UBE2J2: variants seen among roughly 807,000 people sequenced by gnomAD.
The protein encoded by UBE2J2 is ubiquitin-conjugating enzyme E2 J2.
UBE2J2 carries 5 observed loss-of-function variants against 28.6 expected under a neutral mutation model. That is an observed-to-expected ratio of 0.17 (90% CI 0.09 to 0.37). UBE2J2 has a LOEUF of 0.37. Among genes scored for constraint, UBE2J2 ranks in the 10% least tolerant of loss-of-function variants. The pLI is 1.00. For synonymous variants in UBE2J2, 138 were observed against 139.7 expected, an observed-to-expected ratio of 0.99 and a Z score of 0.09; for missense variants, 226 against 338.9, an observed-to-expected ratio of 0.67 and a Z score of 2.62.
chr1:1,267,185 G>A (rs769997061), intron 2 of UBE2J2, among the ~76,000 whole-genome samples: 2 of 152,076 alleles, frequency 1.3e-5, no homozygotes, highest in African/African-American at 2.4e-5. Context: ...CACCATGCCC[G>A]GCCTCTCACA....
chr1:1,255,369 A>T lies in UBE2J2; in HGVS notation c.614T>A (p.Leu205His). The T allele has an allele frequency of 1.9e-6, 3 of 1,613,768 alleles. No homozygotes were observed. The highest frequency in any genetic ancestry group is 2.5e-6 in the Non-Finnish European group (3 of 1,180,026). ...GACGGCCCCCGGCGCATGCCCGTTG[A>T]GCAGCTGAATCCCGTTCTGGACGAG... ...THLVQNGIQL[L>H]NGHAPGAVPN... Residue 205 changes from leucine (L) to histidine (H), a missense_variant, in exon 7 of 7, where the codon CTC becomes CAC. Physicochemically the swap from Leu to His is moderately conservative, Grantham distance 99. This residue lies in a region of UBE2J2 where 133 missense variants were observed against 161.5 expected (regional missense o/e 0.82). Coordinates refer to ENST00000349431, the MANE Select transcript of UBE2J2 (RefSeq NM_058167.3).
At chr1:1,266,145 A>C in intron 2 of UBE2J2, 1 of 1,303,960 alleles carries the variant, frequency 7.7e-7, no homozygotes, top group Non-Finnish European at 1.0e-6. Flanking sequence ...CACTGGGGGC[A>C]GAGAGCACTC....
intron 3 of UBE2J2, among the ~76,000 whole-genome samples, chr1:1,262,702 T>C (rs1024721116): frequency 5.3e-5 from 8 of 152,182 alleles, no homozygotes; most frequent in African/African-American, 1.9e-4. Flanking sequence ...ACTACTGACC[T>C]GGTCCAGATC....
Position 1,271,052 on chromosome 1 carries a change from A to G in UBE2J2, c.-1+2614T>C, listed in dbSNP as rs1022224275. On this transcript the variant is annotated intron_variant, in intron 1 of 6. Transcript: ENST00000349431. ...CTGATTTCCCTGCCAAATGCCTCCCACTCTGTCACACATCACTGGCCTCCA... is the reference window on the plus strand; with the variant it reads ...CTGATTTCCCTGCCAAATGCCTCCCGCTCTGTCACACATCACTGGCCTCCA... Among the ~76,000 whole-genome samples the G allele has an allele frequency of 3.9e-5, 6 of 152,030 alleles. No individual in the cohort carries two copies. In the East Asian group the frequency reaches 7.7e-4, roughly 20 times the overall value.
intron 1 of UBE2J2, among the ~76,000 whole-genome samples, chr1:1,269,505 G>C (rs1640043372): frequency 6.6e-6 from 1 of 151,316 alleles, no homozygotes; most frequent in African/African-American, 2.4e-5. Flanking sequence ...TCGTTGCCCA[G>C]GTTGGAGTGC....
At chr1:1,269,497 G>A (rs866154687) in intron 1 of UBE2J2, among the ~76,000 whole-genome samples, 7 of 149,568 alleles carry the variant, frequency 4.7e-5, no homozygotes, top group South Asian at 2.1e-4. Flanking sequence ...CTCACTGTTC[G>A]TTGCCCAGGT....
In UBE2J2 at chr1:1,254,691, C is replaced by T. The variant is rs943238559; in HGVS notation, c.*512G>A. ...TGAGACCAAACCCCGACTTATGGAT[C>T]CTGAGCCACGGCCGTCACTGGCCCC... On this transcript the variant is annotated 3_prime_UTR_variant, in exon 7 of 7. Transcript: ENST00000349431. 2.6e-5 allele frequency: 4 copies of T among 154,592 alleles called. No homozygotes were observed. Among genetic ancestry groups the T allele is most frequent in the Admixed American group, 1.3e-4 (2 of 15,394 alleles). The allele number at this position is 154,592 out of a possible 1,614,324, so 9.6% of individuals were successfully genotyped here.
intron 2 of UBE2J2, among the ~76,000 whole-genome samples, chr1:1,265,352 CTGGTATTT>C (rs530094356): frequency 3.9e-5 from 6 of 152,346 alleles, no homozygotes; most frequent in Non-Finnish European, 7.3e-5. Flanking sequence ...TCCTGGAAGT[CTGGTATTT>C]TGGTATTTTG....
At position 1,267,891 on chromosome 1, in the gene UBE2J2, G is replaced by A. The variant is rs34496935; in HGVS notation, c.102C>T (p.Ala34=). The A allele has an allele frequency of 5.0e-3, 8,063 of 1,614,060 alleles. 218 individuals carry two copies. In the African/African-American group the frequency reaches 0.076, roughly 15 times the overall value. ...CGAGAATATTCGAAGGGAGGGGCTC[G>A]GCACAGATGTAAGGCACCGGGTCTT... is the stretch of plus-strand genomic sequence containing the variant. ...IKKDPVPYIC[A]EPLPSNILEW... is the part of the protein sequence containing the mutation. Residue 34 remains alanine (A), a synonymous_variant, in exon 2 of 7, where the codon GCC becomes GCT. Coordinates refer to ENST00000349431, the MANE Select transcript of UBE2J2 (RefSeq NM_058167.3).
At chr1:1,266,003 T>C in intron 2 of UBE2J2, 1 of 1,264,972 alleles carries the variant, frequency 7.9e-7, no homozygotes, top group Non-Finnish European at 1.0e-6. Flanking sequence ...TGGGGACGCC[T>C]GACCCACAGA....
chr1:1,257,640 A>C (rs912449739), intron 3 of UBE2J2, among the ~76,000 whole-genome samples: 2 of 148,954 alleles, frequency 1.3e-5, no homozygotes, highest in Non-Finnish European at 3.0e-5. Context: ...GTCCACACAC[A>C]CCCCCACCAG....
chr1:1,255,679 A>G (rs1639133286), intron 6 of UBE2J2, among the ~76,000 whole-genome samples, 192 bp from the exon 7 acceptor site: 1 of 152,144 alleles, frequency 6.6e-6, no homozygotes, highest in South Asian at 2.1e-4. Flanking sequence ...TGGCCCCTGC[A>G]CTCAGGCAGA....
At chr1:1,257,850 C>T (rs1300396428) in intron 3 of UBE2J2, among the ~76,000 whole-genome samples, 2 of 151,996 alleles carry the variant, frequency 1.3e-5, no homozygotes, top group Non-Finnish European at 2.9e-5. Context: ...CCACCACACA[C>T]CCCTCCAAGT....
At chr1:1,255,621 C>T in intron 6 of UBE2J2, 134 bp from the exon 7 acceptor site, 1 of 1,135,206 alleles carries the variant, frequency 8.8e-7, no homozygotes. Flanking sequence ...GACCCCATCT[C>T]ACAGGTGAGG....
Position 1,263,323 on chromosome 1 carries a change from TCTC to T in UBE2J2, c.172+20_172+22del, listed in dbSNP as rs1471249590. 32 of 1,609,814 alleles carry T rather than the reference TCTC, an allele frequency of 2.0e-5. No homozygotes were observed. Among genetic ancestry groups the T allele is most frequent in the Non-Finnish European group, 2.6e-5 (31 of 1,176,400 alleles). On this transcript the variant is annotated intron_variant, in intron 3 of 6. Transcript: ENST00000349431. The stretch of plus-strand genomic sequence containing the variant: ...GAATATAAAAACCGCCTGGTGTTCT[TCTC>T]CTAAGCACAGAATCCTTACCTTCAT...
At chr1:1,263,503 T>G in intron 2 of UBE2J2, 117 bp from the exon 3 acceptor site, 1 of 885,084 alleles carries the variant, frequency 1.1e-6, no homozygotes, top group African/African-American at 1.7e-5. Flanking sequence ...ATTCAGGCAG[T>G]GAACAAATGA....
intron 2 of UBE2J2, among the ~76,000 whole-genome samples, chr1:1,265,059 G>A (rs1639769638): frequency 6.6e-6 from 1 of 152,220 alleles, no homozygotes; most frequent in Non-Finnish European, 1.5e-5. Flanking sequence ...ATGCACCCAG[G>A]AATGTGGCCT....
At chr1:1,260,585 C>T (rs1221449198) in intron 3 of UBE2J2, among the ~76,000 whole-genome samples, 1 of 152,216 alleles carries the variant, frequency 6.6e-6, no homozygotes, top group East Asian at 1.9e-4. Flanking sequence ...CACACACAGA[C>T]GTTCACAGCA....
chr1:1,255,594 A>C (rs1639127797), intron 6 of UBE2J2, 107 bp from the exon 7 acceptor site: 1 of 1,357,048 alleles, frequency 7.4e-7, no homozygotes, highest in Non-Finnish European at 1.0e-6. Context: ...ACCAAGCCCT[A>C]GGCTGTGTCA....
Sources: allele counts gnomAD v4.1 joint callset (sites outside exome capture counted in the v4.1 genomes callset), GRCh38; gene constraint gnomAD v4.1.1; regional missense constraint gnomAD v4.1.1; transcripts MANE v1.5; gene names NCBI Gene and HGNC (gene_info 2026-07-23, HGNC 2026-07-21).